The following FOXO3 variants were observed in gnomAD, a reference collection of about 807,000 sequenced individuals.
The protein encoded by FOXO3 is forkhead box protein O3.
In FOXO3, 4 loss-of-function variants were observed where a neutral mutation model predicts 41.9. The observed-to-expected ratio is 0.10, with a 90% CI of 0.05 to 0.22. The LOEUF (loss-of-function observed/expected upper bound fraction) is 0.22, where lower values mean the gene tolerates loss of function less well. Among genes scored for constraint, FOXO3 ranks in the 10% least tolerant of loss-of-function variants. The pLI is 1.00. For missense variants in FOXO3, 534 were observed against 906.8 expected, an observed-to-expected ratio of 0.59 and a Z score of 5.28; for synonymous variants, 318 against 389.3, an observed-to-expected ratio of 0.82 and a Z score of 2.16.
chr6:108,654,953 T>A (rs767423212), intron 1 of FOXO3, among the ~76,000 whole-genome samples: 14 of 152,246 alleles, frequency 9.2e-5, no homozygotes, highest in Non-Finnish European at 2.1e-4. Flanking sequence ...TATGCTGTCA[T>A]ACTTTCTGCA....
At chr6:108,565,673 A>G (rs1775930938) in intron 1 of FOXO3, among the ~76,000 whole-genome samples, 1 of 152,202 alleles carries the variant, frequency 6.6e-6, no homozygotes, top group South Asian at 2.1e-4. Flanking sequence ...ATAATTCTTC[A>G]AGAGTCCGAG....
chr6:108,666,137 T>C (rs1779051141), intron 2 of FOXO3, among the ~76,000 whole-genome samples: 1 of 152,104 alleles, frequency 6.6e-6, no homozygotes, highest in South Asian at 2.1e-4. Context: ...CTTCCAGTTT[T>C]ATAAAATGAG....
Position 108,683,770 on chromosome 6 carries a change from T to A in FOXO3, c.*3978T>A, listed in dbSNP as rs1163729570. ...CTCTGAACTCTGGTTTTATTTTTCTTGCTGTATTTGGGTGAACATTGTATG... is the reference window on the plus strand; with the variant it reads ...CTCTGAACTCTGGTTTTATTTTTCTAGCTGTATTTGGGTGAACATTGTATG... On this transcript the variant is annotated 3_prime_UTR_variant, in exon 3 of 3. Transcript: ENST00000406360. 6.6e-6 allele frequency: 1 copy of A among 152,154 alleles called. No homozygotes were observed. Among genetic ancestry groups the A allele is most frequent in the Admixed American group, 6.5e-5 (1 of 15,270 alleles). 9.4% of individuals were successfully genotyped at this position (152,154 alleles called of 1,614,324 possible).
chr6:108,613,840 A>T (rs1359953579), intron 1 of FOXO3, among the ~76,000 whole-genome samples: 1 of 151,868 alleles, frequency 6.6e-6, no homozygotes, highest in Non-Finnish European at 1.5e-5. Context: ...TTTACTTGAG[A>T]CCTTCCTTCC....
intron 1 of FOXO3, among the ~76,000 whole-genome samples, chr6:108,596,388 A>G (rs1444555512): frequency 6.6e-6 from 1 of 151,246 alleles, no homozygotes; most frequent in African/African-American, 2.4e-5. Flanking sequence ...AAATGAAAAA[A>G]AAAAAAAAAA....
chr6:108,649,268 A>G (rs571053339), intron 1 of FOXO3, among the ~76,000 whole-genome samples: 33 of 152,238 alleles, frequency 2.2e-4, no homozygotes, highest in African/African-American at 7.5e-4. Context: ...ATCATTTGTA[A>G]TAGGCAGTAA....
At position 108,561,639 on chromosome 6, in the gene FOXO3, C is replaced by G. The variant is rs778623754; in HGVS notation, c.431C>G (p.Ser144Cys). 1.6e-5 allele frequency: 25 copies of G among 1,574,030 alleles called. No homozygotes were observed. The highest frequency in any genetic ancestry group is 1.8e-5 in the Admixed American group (1 of 54,332). The change falls in exon 1 of 3, where the codon TCC becomes TGC. Residue 144 changes from serine to cysteine, a missense_variant. Physicochemically the swap from Ser to Cys is moderately radical, Grantham distance 112. Transcript: ENST00000406360. ...PPPQPGAAGG[S>C]GQPRKCSSRR... Reference sequence around the variant, plus strand: ...CCGCAGCCGGGGGCGGCTGGGGGCTCCGGGCAGCCGAGGAAATGTTCGTCG... The same window carrying G: ...CCGCAGCCGGGGGCGGCTGGGGGCTGCGGGCAGCCGAGGAAATGTTCGTCG...
chr6:108,611,196 T>C (rs1777354461), intron 1 of FOXO3, among the ~76,000 whole-genome samples: 1 of 152,236 alleles, frequency 6.6e-6, no homozygotes, highest in Admixed American at 6.5e-5. Context: ...TTTTAATTGC[T>C]GAGAAGTATG....
intron 1 of FOXO3, among the ~76,000 whole-genome samples, chr6:108,617,116 T>C (rs1278363160): frequency 6.6e-6 from 1 of 152,250 alleles, no homozygotes; most frequent in Non-Finnish European, 1.5e-5. Context: ...TGTGGACATA[T>C]TATTTTAATG....
intron 1 of FOXO3, among the ~76,000 whole-genome samples, chr6:108,620,098 G>A (rs1777625758): frequency 6.6e-6 from 1 of 152,154 alleles, no homozygotes; most frequent in African/African-American, 2.4e-5. Context: ...AGAGCATGGT[G>A]CCTTCCCCAG....
At chr6:108,589,258 C>T (rs1260607304) in intron 1 of FOXO3, among the ~76,000 whole-genome samples, 1 of 152,122 alleles carries the variant, frequency 6.6e-6, no homozygotes, top group African/African-American at 2.4e-5. Context: ...TATAATTTTT[C>T]CTGGGCACAC....
chr6:108,634,623 T>C (rs1778067782), intron 1 of FOXO3, among the ~76,000 whole-genome samples: 1 of 152,136 alleles, frequency 6.6e-6, no homozygotes, highest in Non-Finnish European at 1.5e-5. Flanking sequence ...CATGAGACCT[T>C]TAAACTTTTT....
chr6:108,574,484 A>G (rs1223794059), intron 1 of FOXO3, among the ~76,000 whole-genome samples: 3 of 151,546 alleles, frequency 2.0e-5, no homozygotes, highest in Admixed American at 1.3e-4. Context: ...AGATTTCAGG[A>G]AAAAAAAACA....
At chr6:108,562,451 C>T (rs1002037776) in intron 1 of FOXO3, among the ~76,000 whole-genome samples, 1 of 152,118 alleles carries the variant, frequency 6.6e-6, no homozygotes. Flanking sequence ...CTTTTCTTCT[C>T]GGAGATGTCG....
Position 108,677,265 on chromosome 6 carries a change from TG to T in FOXO3, c.*35-2558del, listed in dbSNP as rs1310527380. On this transcript the variant is annotated intron_variant, in intron 2 of 2. Transcript: ENST00000406360. ...TTTAATAATGGAGTTCTCTGAAGATTGGGGCCTTTTGATGAAGGAATGGATA... is the reference window on the plus strand; with the variant it reads ...TTTAATAATGGAGTTCTCTGAAGATTGGGCCTTTTGATGAAGGAATGGATA... 2.0e-5 allele frequency among the ~76,000 whole-genome samples: 3 copies of T among 152,240 alleles called. No homozygotes were observed. The South Asian group carries it at 6.2e-4, about 31-fold the overall frequency.
At chr6:108,579,617 G>A (rs985162050) in intron 1 of FOXO3, among the ~76,000 whole-genome samples, 4 of 152,168 alleles carry the variant, frequency 2.6e-5, no homozygotes, top group African/African-American at 9.7e-5. Context: ...GTCAACACAC[G>A]TCAGTTGCTC....
At chr6:108,657,344 G>A (rs1195601112) in intron 1 of FOXO3, among the ~76,000 whole-genome samples, 1 of 152,140 alleles carries the variant, frequency 6.6e-6, no homozygotes, top group Non-Finnish European at 1.5e-5. Context: ...TGATTTCTAA[G>A]TACTGAATTT....
At chr6:108,641,342 G>A (rs1778251995) in intron 1 of FOXO3, among the ~76,000 whole-genome samples, 1 of 152,068 alleles carries the variant, frequency 6.6e-6, no homozygotes. Flanking sequence ...ATTCTTACTA[G>A]TGCTTTTGAA....
chr6:108,628,141 C>T (rs1366897575), intron 1 of FOXO3, among the ~76,000 whole-genome samples: 2 of 152,096 alleles, frequency 1.3e-5, no homozygotes, highest in Admixed American at 1.3e-4. Flanking sequence ...GCTCAATAAC[C>T]AGTAGTTGTT....
Sources: gnomAD v4.1 joint callset for allele counts (sites outside exome capture counted in the v4.1 genomes callset) on GRCh38, gnomAD v4.1.1 for gene constraint, MANE v1.5 for transcripts, NCBI Gene and HGNC (gene_info 2026-07-23, HGNC 2026-07-21) for gene names.